The following SLA2 variants were observed in gnomAD, a reference collection of about 807,000 sequenced individuals.
SLA2 encodes src-like-adapter 2.
Under a neutral mutation model 27.3 loss-of-function variants are expected in SLA2, and 22 were observed. That is an observed-to-expected ratio of 0.81 (90% CI 0.58 to 1.15). The LOEUF (loss-of-function observed/expected upper bound fraction) is 1.15, where lower values mean the gene tolerates loss of function less well. Ranked by LOEUF, SLA2 falls within the 50% of genes most tolerant of loss-of-function variation. The pLI, the probability that SLA2 is intolerant of heterozygous loss-of-function variation, is 0.00. For synonymous variants in SLA2, 131 were observed against 137.8 expected, an observed-to-expected ratio of 0.95 and a Z score of 0.34; for missense variants, 304 against 322.2, an observed-to-expected ratio of 0.94 and a Z score of 0.43.
intron 2 of SLA2, among the ~76,000 whole-genome samples, chr20:36,640,725 C>G (rs1171365713): frequency 6.6e-6 from 1 of 152,140 alleles, no homozygotes; most frequent in Non-Finnish European, 1.5e-5. Flanking sequence ...CCATGTTGGC[C>G]AGGCTGGTCT....
chr20:36,619,787 C>A (rs2039260316), intron 5 of SLA2, among the ~76,000 whole-genome samples: 1 of 64,582 alleles, frequency 1.5e-5, no homozygotes, highest in South Asian at 4.8e-4. Context: ...CCTGTCACCA[C>A]ACGTGGCTAT....
At chr20:36,633,512 T>G (rs1435723217) in intron 4 of SLA2, 31 bp downstream of exon 4, 1 of 1,571,994 alleles carries the variant, frequency 6.4e-7, no homozygotes, top group African/African-American at 1.3e-5. Flanking sequence ...AGCAGGAAGC[T>G]CTGCAAGGCG....
chr20:36,629,751 G>C (rs945741463), intron 5 of SLA2, among the ~76,000 whole-genome samples: 1 of 152,024 alleles, frequency 6.6e-6, no homozygotes, highest in African/African-American at 2.4e-5. Context: ...TCCAGCATAG[G>C]CAACAGAGTG....
At chr20:36,634,778 C>T (rs2039427690) in intron 2 of SLA2, among the ~76,000 whole-genome samples, 189 bp from the exon 3 acceptor site, 1 of 150,110 alleles carries the variant, frequency 6.7e-6, no homozygotes, top group African/African-American at 2.5e-5. Flanking sequence ...AGAGCCCTGA[C>T]AGTGCCCAGA....
At chr20:36,627,995 A>G (rs908092301) in intron 5 of SLA2, among the ~76,000 whole-genome samples, 1 of 152,236 alleles carries the variant, frequency 6.6e-6, no homozygotes. Flanking sequence ...CGACAAGAGC[A>G]TAATGTAAAG....
At chr20:36,626,659 A>C (rs1424105242) in intron 5 of SLA2, among the ~76,000 whole-genome samples, 1 of 151,844 alleles carries the variant, frequency 6.6e-6, no homozygotes, top group Admixed American at 6.6e-5. Context: ...CATCCTGGCT[A>C]ACATGGTGAA....
intron 5 of SLA2, 62 bp from the exon 6 acceptor site, chr20:36,615,436 C>T (rs545745185): frequency 6.2e-7 from 1 of 1,601,426 alleles, no homozygotes; most frequent in South Asian, 1.1e-5. Context: ...CCCACCTAGG[C>T]TGGGAAACGA....
At position 36,615,244 on chromosome 20, in the gene SLA2, G is replaced by A; in HGVS notation, c.513C>T (p.Ala171=). The change falls in exon 6 of 8, where the codon GCC becomes GCT. Residue 171 remains alanine, a synonymous_variant. Coordinates refer to ENST00000262866, the MANE Select transcript of SLA2 (RefSeq NM_032214.4). ...SPRLTFPSLQ[A]LVDHYSELAD... is the part of the protein sequence containing the mutation. ...CCATACCAGAGTAATGGTCCACCAG[G>A]GCCTGGAGTGAGGGGAAGGTGAGGC... is the stretch of plus-strand genomic sequence containing the variant. The A allele has an allele frequency of 6.2e-7, 1 of 1,614,100 alleles. No homozygotes were observed. Among genetic ancestry groups the A allele is most frequent in the Non-Finnish European group, 8.5e-7 (1 of 1,180,024 alleles).
At position 36,615,340 on chromosome 20, in the gene SLA2, A is replaced by G. The variant is rs1351113480; in HGVS notation, c.417T>C (p.Pro139=). The change falls in exon 6 of 8, where the codon CCT becomes CCC. Residue 139 remains proline (P), a synonymous_variant. Transcript: ENST00000262866. ...AGTGTCTGATCCGGTCCCAGGATGC[A>G]GGGCGGCTGAGGCGGACTGACAGAG... ...SYSLSVRLSR[P]ASWDRIRHYR... 2 of 1,614,084 alleles carry G rather than the reference A, an allele frequency of 1.2e-6. No homozygotes were observed. The highest frequency in any genetic ancestry group is 8.5e-7 in the Non-Finnish European group (1 of 1,180,016).
rs566596995 is a variant in SLA2 at position 36,618,195 on chromosome 20, C to T, written c.383-2821G>A. The stretch of plus-strand genomic sequence containing the variant: ...GTAAAAAGATGGAAAAAAGATATAT[C>T]ATGCAGACAACCATAAGTAAGCTAG... On this transcript the variant is annotated intron_variant, in intron 5 of 7. Transcript: ENST00000262866. Among the ~76,000 whole-genome samples, 5 of 151,022 alleles carry T rather than the reference C, an allele frequency of 3.3e-5. No homozygotes were observed. In the South Asian group the frequency reaches 8.4e-4, roughly 25 times the overall value.
intron 2 of SLA2, among the ~76,000 whole-genome samples, chr20:36,637,399 G>A (rs1370507724): frequency 4.0e-5 from 6 of 150,910 alleles, no homozygotes; most frequent in South Asian, 4.2e-4. Context: ...ATTTCACCAC[G>A]TTGGTCAGGC....
intron 5 of SLA2, among the ~76,000 whole-genome samples, chr20:36,624,862 G>A (rs910900720): frequency 5.9e-5 from 9 of 152,308 alleles, no homozygotes; most frequent in East Asian, 5.8e-4. Context: ...ACTGACAGGG[G>A]AGCAGGTCAC....
In SLA2 at chr20:36,632,637, G is replaced by C. The variant is rs963188953; in HGVS notation, c.340C>G (p.Pro114Ala). 76 of 1,614,170 alleles carry C rather than the reference G, an allele frequency of 4.7e-5. No homozygotes were observed. The highest frequency in any genetic ancestry group is 6.0e-5 in the Non-Finnish European group (71 of 1,180,028). The change falls in exon 5 of 8, where the codon CCT becomes GCT. Residue 114 changes from proline (P) to alanine (A), a missense_variant. Coordinates refer to ENST00000262866, the MANE Select transcript of SLA2 (RefSeq NM_032214.4). The stretch of plus-strand genomic sequence containing the variant: ...TCCCGGATGAGGAAGGCCCCTCCAG[G>C]GTTCCCAGGTAACAACAGCAGTTCC... ...AEELLLLPGN[P>A]GGAFLIRESQ...
At chr20:36,624,744 C>T (rs1049113047) in intron 5 of SLA2, among the ~76,000 whole-genome samples, 1 of 152,198 alleles carries the variant, frequency 6.6e-6, no homozygotes, top group Non-Finnish European at 1.5e-5. Flanking sequence ...TTGCAGCAAA[C>T]ACATATTGAG....
chr20:36,622,767 C>G lies in SLA2; in HGVS notation c.383-7393G>C, dbSNP rs879298230. Among the ~76,000 whole-genome samples the G allele has an allele frequency of 9.2e-5, 14 of 152,320 alleles. No homozygotes were observed. In the South Asian group the frequency reaches 1.0e-3, roughly 11 times the overall value. ...AACTCTCACCCTCCTACCTCCCTCT[C>G]GTAAGCATCCTGGTGATTATATTGG... On this transcript the variant is annotated intron_variant, in intron 5 of 7. Transcript: ENST00000262866.
At chr20:36,640,032 G>T (rs1004210594) in intron 2 of SLA2, among the ~76,000 whole-genome samples, 1 of 152,188 alleles carries the variant, frequency 6.6e-6, no homozygotes, top group East Asian at 1.9e-4. Context: ...CAAGGGCCAG[G>T]CATGGTGGCT....
chr20:36,620,078 G>C (rs150204324), intron 5 of SLA2, among the ~76,000 whole-genome samples: 1 of 137,374 alleles, frequency 7.3e-6, no homozygotes, highest in African/African-American at 2.7e-5. Context: ...GCGACAGAGC[G>C]AGATTCCACC....
intron 5 of SLA2, among the ~76,000 whole-genome samples, chr20:36,625,471 G>A (rs889457010): frequency 2.0e-5 from 3 of 151,820 alleles, no homozygotes; most frequent in Admixed American, 6.6e-5. Flanking sequence ...TGATTCCCCC[G>A]CCTCGGCCTC....
chr20:36,641,159 G>A, intron 2 of SLA2, 86 bp downstream of exon 2: 1 of 1,130,664 alleles, frequency 8.8e-7, no homozygotes, highest in Non-Finnish European at 1.3e-6. Flanking sequence ...CACTGTGTTG[G>A]AGCTGCTGGC....
Sources: gnomAD v4.1 joint callset for allele counts (sites outside exome capture counted in the v4.1 genomes callset) on GRCh38, gnomAD v4.1.1 for gene constraint, MANE v1.5 for transcripts, NCBI Gene and HGNC (gene_info 2026-07-23, HGNC 2026-07-21) for gene names.